Variants in FAM13B observed in about 807,000 individuals in gnomAD.
The protein encoded by FAM13B is family with sequence similarity 13 member B.
A neutral mutation model predicts 117.3 loss-of-function variants in FAM13B; 60 were observed. The observed-to-expected ratio is 0.51, with a 90% CI of 0.42 to 0.63. The LOEUF is 0.63. Ranked by LOEUF, FAM13B falls within the 30% of genes least tolerant of loss-of-function variation. The pLI, the probability that FAM13B is intolerant of heterozygous loss-of-function variation, is 0.00. For synonymous variants in FAM13B, 332 were observed against 356.1 expected (o/e 0.93, Z 0.76); for missense variants, 972 against 1,091.9 (o/e 0.89, Z 1.55).
intron 10 of FAM13B, among the ~76,000 whole-genome samples, chr5:137,979,796 T>C (rs1333056995): frequency 6.6e-6 from 1 of 152,166 alleles, no homozygotes; most frequent in Non-Finnish European, 1.5e-5. Flanking sequence ...AAGACTATAG[T>C]GCCCTAATAG....
At position 137,954,236 on chromosome 5, in the gene FAM13B, CA is replaced by C; in HGVS notation, c.1647del (p.Phe549LeufsTer81). ...PPVLSHRSLD[F>X]GQSQRFLHDP... ...TCATGTAGGAAACGCTGGCTTTGACCAAAATCTAAACTGCGGTGTGATAATA... is the reference window on the plus strand; with the variant it reads ...TCATGTAGGAAACGCTGGCTTTGACCAAATCTAAACTGCGGTGTGATAATA... On this transcript the variant is annotated frameshift_variant, in exon 15 of 24. Transcript: ENST00000689681. LOFTEE classifies it high-confidence loss of function. 6.2e-7 allele frequency: 1 copy of C among 1,613,900 alleles called. No homozygotes were observed. Among genetic ancestry groups the C allele is most frequent in the Non-Finnish European group, 8.5e-7 (1 of 1,179,976 alleles).
At chr5:138,025,544 C>A (rs1788138857) in intron 1 of FAM13B, among the ~76,000 whole-genome samples, 1 of 151,926 alleles carries the variant, frequency 6.6e-6, no homozygotes, top group Non-Finnish European at 1.5e-5. Flanking sequence ...TCTTCATACA[C>A]CAGCTATCAA....
intron 1 of FAM13B, among the ~76,000 whole-genome samples, chr5:138,047,141 G>A (rs1408581549): frequency 6.6e-6 from 1 of 152,200 alleles, no homozygotes; most frequent in East Asian, 1.9e-4. Context: ...TTTAGTTGGG[G>A]GGCAGAACAA....
At chr5:138,039,444 T>G (rs991396304) in intron 1 of FAM13B, 1 of 152,172 alleles carries the variant, frequency 6.6e-6, no homozygotes, top group Admixed American at 6.6e-5. Flanking sequence ...CCAGCCAAGT[T>G]GCTTCTCAGC....
chr5:138,013,501 C>CA (rs376873284), intron 4 of FAM13B, among the ~76,000 whole-genome samples: 99,896 of 137,474 alleles, frequency 0.73, 35,829 homozygotes, highest in East Asian at 0.96. Context: ...ACTCCATCTC[C>CA]AAAAAAAAAA....
intron 6 of FAM13B, among the ~76,000 whole-genome samples, chr5:138,007,670 T>A (rs1302491222): frequency 6.6e-6 from 1 of 151,652 alleles, no homozygotes; most frequent in Non-Finnish European, 1.5e-5. Flanking sequence ...AGAGATGGAA[T>A]CCTATAACAA....
At chr5:138,035,411 C>A (rs779906695), upstream of FAM13B, among the ~76,000 whole-genome samples, 2 of 152,128 alleles carry the variant, frequency 1.3e-5, no homozygotes, top group Non-Finnish European at 2.9e-5. Flanking sequence ...AGAACATATT[C>A]TTGGAAGATA....
chr5:137,942,730 G>T, intron 22 of FAM13B, 145 bp downstream of exon 22: 1 of 623,904 alleles, frequency 1.6e-6, no homozygotes, highest in Non-Finnish European at 2.6e-6. Flanking sequence ...ATAAATATTT[G>T]CAAATCACAC....
rs1202418243 is a variant in FAM13B at position 138,019,239 on chromosome 5, G to A, written c.-35-93C>T. On this transcript the variant is annotated intron_variant, in intron 2 of 23. Coordinates refer to ENST00000689681, the MANE Select transcript of FAM13B (RefSeq NM_001385994.1). ...AAAGAAAAATGCTTTACACCTGAAT[G>A]TGTTCTCATCTATTTAAATGTTCCA... 5 of 1,084,434 alleles carry A rather than the reference G, an allele frequency of 4.6e-6. No individual in the cohort carries two copies. The African/African-American group carries it at 6.4e-5, about 14-fold the overall frequency. The allele number at this position is 1,084,434 out of a possible 1,614,324, so 67.2% of individuals were successfully genotyped here. A position where few individuals can be genotyped will look rare whatever the true frequency, so the allele number is the denominator to read the frequency against.
intron 10 of FAM13B, among the ~76,000 whole-genome samples, chr5:137,974,612 T>C (rs1173774127): frequency 1.1e-5 from 1 of 94,574 alleles, no homozygotes; most frequent in East Asian, 3.0e-4. Context: ...AGTATAATAA[T>C]AATAAATAAA....
intron 1 of FAM13B, among the ~76,000 whole-genome samples, chr5:138,023,977 C>A (rs571732393): frequency 6.6e-6 from 1 of 152,326 alleles, no homozygotes; most frequent in South Asian, 2.1e-4. Context: ...GGACTTGTAT[C>A]TAGAGCACAT....
intron 10 of FAM13B, among the ~76,000 whole-genome samples, chr5:137,969,709 T>C (rs1270558802): frequency 1.3e-5 from 2 of 151,994 alleles, no homozygotes; most frequent in Admixed American, 6.5e-5. Context: ...TTGAAAACTT[T>C]GAAAAAAATT....
chr5:138,011,896 T>G lies in FAM13B; in HGVS notation c.420A>C (p.Gln140His). Residue 140 changes from glutamine to histidine, a missense_variant, in exon 5 of 24, where the codon CAA becomes CAC. By Grantham distance (24) the Gln-to-His change is conservative (BLOSUM62 0). Transcript: ENST00000689681. ...AACTATAATTAACAGGTGGAAGCTG[T>G]TGCAAGAGGAACCTCAACTTTCTTC... ...EFGRKLRFLL[Q>H]QLPPVNYSLL... 6.3e-7 allele frequency: 1 copy of G among 1,599,408 alleles called. No homozygotes were observed. The highest frequency in any genetic ancestry group is 8.5e-7 in the Non-Finnish European group (1 of 1,176,132).
At chr5:137,999,753 G>A (rs927037854) in intron 7 of FAM13B, among the ~76,000 whole-genome samples, 4 of 152,176 alleles carry the variant, frequency 2.6e-5, no homozygotes, top group Admixed American at 1.3e-4. Flanking sequence ...CTGAGATCAA[G>A]GCAGCAGCAG....
In FAM13B at chr5:138,006,832, T is replaced by C. The variant is rs538214968; in HGVS notation, c.848+158A>G. ...TTAACACTAATAACTGAAAATTCCT[T>C]AGCAAGACTGCATCTTTAAATTTTA... On this transcript the variant is annotated intron_variant, in intron 7 of 23. Transcript: ENST00000689681. Among the ~76,000 whole-genome samples, 4 of 152,378 alleles carry C rather than the reference T, an allele frequency of 2.6e-5. No individual in the cohort carries two copies. The South Asian group carries it at 8.3e-4, about 32-fold the overall frequency.
At chr5:137,956,365 C>A in intron 14 of FAM13B, 112 bp downstream of exon 14, 1 of 585,850 alleles carries the variant, frequency 1.7e-6, no homozygotes, top group Non-Finnish European at 2.7e-6. Context: ...TCACTTTGAA[C>A]CCAGAACAGT....
intron 7 of FAM13B, among the ~76,000 whole-genome samples, chr5:138,005,772 A>C (rs891778962): frequency 6.6e-6 from 1 of 152,276 alleles, no homozygotes; most frequent in South Asian, 2.1e-4. Context: ...GAAATGTAAT[A>C]ATTGTGTTTA....
chr5:137,949,608 C>T (rs1351573661), intron 17 of FAM13B, among the ~76,000 whole-genome samples: 4 of 152,078 alleles, frequency 2.6e-5, no homozygotes, highest in African/African-American at 7.2e-5. Context: ...GGCAAAACCC[C>T]GTCTCTACTA....
chr5:137,964,938 G>A (rs1018409366), intron 10 of FAM13B, among the ~76,000 whole-genome samples: 22 of 151,940 alleles, frequency 1.4e-4, no homozygotes, highest in Non-Finnish European at 3.1e-4. Flanking sequence ...AGGCCAAGGC[G>A]GATGGATCAC....
Sources: allele counts gnomAD v4.1 joint callset (sites outside exome capture counted in the v4.1 genomes callset), GRCh38; gene constraint gnomAD v4.1.1; transcripts MANE v1.5; gene names NCBI Gene and HGNC (gene_info 2026-07-23, HGNC 2026-07-21).